Variants in SPOCK1 observed in about 807,000 individuals in gnomAD.
The protein encoded by SPOCK1 is SPARC (osteonectin), cwcv and kazal like domains proteoglycan 1, also known as testican-1.
Under a neutral mutation model 55.3 loss-of-function variants are expected in SPOCK1, and 23 were observed. The observed-to-expected ratio is 0.42, with a 90% CI of 0.30 to 0.59. SPOCK1 has a LOEUF of 0.59. SPOCK1 is among the 20% of genes least tolerant of loss of function. The pLI, the probability that SPOCK1 is intolerant of heterozygous loss-of-function variation, is 0.22. For missense variants in SPOCK1, 499 were observed against 552.5 expected (o/e 0.90, Z 0.97); for synonymous variants, 226 against 221.0 (o/e 1.02, Z -0.20).
rs190337768 is a variant in SPOCK1, at chr5:137,333,547, C to A, written c.187-66492G>T. ...ATCTGCTCTGGTCTTCCTGATAAGT[C>A]CGGGCCTGAGGATGTTTTGATAAAA... On this transcript the variant is annotated intron_variant, in intron 2 of 10. Coordinates refer to ENST00000394945, the MANE Select transcript of SPOCK1 (RefSeq NM_004598.4). 1.2e-4 allele frequency among the ~76,000 whole-genome samples: 18 copies of A among 152,304 alleles called. No individual in the cohort carries two copies. The South Asian group carries it at 3.7e-3, about 32-fold the overall frequency.
At chr5:136,992,635 G>C in intron 6 of SPOCK1, 35 bp from the exon 7 acceptor site, 2 of 1,555,220 alleles carry the variant, frequency 1.3e-6, no homozygotes, top group Non-Finnish European at 8.8e-7. Context: ...CAATGGGGCT[G>C]GGGGCTTTCT....
intron 2 of SPOCK1, among the ~76,000 whole-genome samples, chr5:137,482,977 T>C (rs1046625612): frequency 1.4e-4 from 21 of 152,244 alleles, no homozygotes; most frequent in African/African-American, 4.8e-4. Context: ...ATAAAAATCA[T>C]ACAGTCTTTA....
intron 3 of SPOCK1, among the ~76,000 whole-genome samples, chr5:137,226,613 T>A (rs1248334084): frequency 6.6e-6 from 1 of 152,148 alleles, no homozygotes; most frequent in Non-Finnish European, 1.5e-5. Context: ...CAGACTTTCA[T>A]TTTCACAGCT....
intron 2 of SPOCK1, among the ~76,000 whole-genome samples, chr5:137,340,858 GTGACAC>G (rs1477131740): frequency 6.6e-6 from 1 of 151,004 alleles, no homozygotes; most frequent in African/African-American, 2.4e-5. Flanking sequence ...TCCAGCCTGG[GTGACAC>G]AGTGAGATTC....
intron 6 of SPOCK1, among the ~76,000 whole-genome samples, chr5:137,018,593 C>T (rs1485193446): frequency 2.0e-5 from 3 of 152,046 alleles, no homozygotes; most frequent in Non-Finnish European, 4.4e-5. Context: ...TGAGGCAAAT[C>T]ACCCCTTCCC....
At chr5:137,205,372 G>T (rs1338828485) in intron 3 of SPOCK1, among the ~76,000 whole-genome samples, 5 of 152,226 alleles carry the variant, frequency 3.3e-5, no homozygotes, top group African/African-American at 1.2e-4. Flanking sequence ...GTGCCCTGTG[G>T]GTAGTGAGTT....
chr5:137,304,079 TTTTG>T (rs1387722280), intron 2 of SPOCK1, among the ~76,000 whole-genome samples: 2 of 92,622 alleles, frequency 2.2e-5, no homozygotes, highest in Admixed American at 1.2e-4. Context: ...TTTTTTTTTT[TTTTG>T]GTTCTGTTAT....
intron 4 of SPOCK1, among the ~76,000 whole-genome samples, chr5:137,132,453 A>T (rs1430392744): frequency 6.6e-6 from 1 of 152,194 alleles, no homozygotes; most frequent in Non-Finnish European, 1.5e-5. Flanking sequence ...ATATACCAAT[A>T]TGTACATTCC....
At chr5:137,478,005 C>T (rs1753871298) in intron 2 of SPOCK1, among the ~76,000 whole-genome samples, 1 of 152,154 alleles carries the variant, frequency 6.6e-6, no homozygotes, top group Admixed American at 6.5e-5. Context: ...TTTGAAGTTC[C>T]CCTTCTTTTC....
chr5:137,262,328 T>C (rs968618979), intron 3 of SPOCK1, among the ~76,000 whole-genome samples: 1 of 152,238 alleles, frequency 6.6e-6, no homozygotes, highest in East Asian at 1.9e-4. Flanking sequence ...GTGTTGGTTG[T>C]ACAGCATCAG....
At chr5:137,212,855 C>T (rs1355385777) in intron 3 of SPOCK1, among the ~76,000 whole-genome samples, 2 of 152,204 alleles carry the variant, frequency 1.3e-5, no homozygotes, top group Non-Finnish European at 2.9e-5. Flanking sequence ...TGGACAAAGA[C>T]GCTGCACAGT....
intron 6 of SPOCK1, among the ~76,000 whole-genome samples, chr5:137,002,118 C>T (rs1354053565): frequency 1.3e-5 from 2 of 152,090 alleles, no homozygotes; most frequent in Non-Finnish European, 2.9e-5. Flanking sequence ...CTAATAAAGT[C>T]TTTAAAAAGC....
At chr5:137,017,799 A>C (rs1274804647) in intron 6 of SPOCK1, among the ~76,000 whole-genome samples, 1 of 152,242 alleles carries the variant, frequency 6.6e-6, no homozygotes, top group East Asian at 1.9e-4. Context: ...AAAGCCATAA[A>C]GGAAAAATTT....
chr5:137,397,809 A>T (rs1378653360), intron 2 of SPOCK1, among the ~76,000 whole-genome samples: 1 of 152,174 alleles, frequency 6.6e-6, no homozygotes, highest in Non-Finnish European at 1.5e-5. Flanking sequence ...TGGCTCTCAC[A>T]TATTCAAGAT....
At position 137,266,999 on chromosome 5, in the gene SPOCK1, G is replaced by T. The variant is rs748782040; in HGVS notation, c.232+11C>A. 9 of 1,609,182 alleles carry T rather than the reference G, an allele frequency of 5.6e-6. No homozygotes were observed. In the South Asian group the frequency reaches 9.9e-5, roughly 18 times the overall value. Reference sequence around the variant, plus strand: ...CACAGACTATACAGCAAGAAATATTGCATCCATTACCTTGGTCAAAGGGCT... The same window carrying T: ...CACAGACTATACAGCAAGAAATATTTCATCCATTACCTTGGTCAAAGGGCT... On this transcript the variant is annotated intron_variant, in intron 3 of 10. Transcript: ENST00000394945.
At chr5:137,325,510 C>A (rs1255337468) in intron 2 of SPOCK1, among the ~76,000 whole-genome samples, 1 of 152,196 alleles carries the variant, frequency 6.6e-6, no homozygotes, top group Non-Finnish European at 1.5e-5. Context: ...TTCCTAAAAA[C>A]TAACAGCCCA....
At chr5:137,230,772 T>C (rs10051441) in intron 3 of SPOCK1, among the ~76,000 whole-genome samples, 22,847 of 140,808 alleles carry the variant, frequency 0.16, 2,542 homozygotes, top group South Asian at 0.24. Flanking sequence ...TGGATTCATA[T>C]GCAGTTGTAA....
At chr5:137,037,514 T>C (rs1464399912) in intron 6 of SPOCK1, among the ~76,000 whole-genome samples, 1 of 152,084 alleles carries the variant, frequency 6.6e-6, no homozygotes, top group Non-Finnish European at 1.5e-5. Flanking sequence ...ATTTTGTATT[T>C]TGTTAAGGTA....
intron 2 of SPOCK1, among the ~76,000 whole-genome samples, chr5:137,365,615 T>C (rs879594177): frequency 2.0e-5 from 3 of 152,314 alleles, no homozygotes; most frequent in East Asian, 3.9e-4. Flanking sequence ...CCTAATCCAT[T>C]CATAAATCAG....
Sources: gnomAD v4.1 joint callset for allele counts (sites outside exome capture counted in the v4.1 genomes callset) on GRCh38, gnomAD v4.1.1 for gene constraint, MANE v1.5 for transcripts, NCBI Gene and HGNC (gene_info 2026-07-23, HGNC 2026-07-21) for gene names.